Variants in IDO2 observed in about 807,000 individuals in gnomAD.
IDO2 encodes indoleamine 2,3-dioxygenase-like 1 protein.
IDO2 carries 46 observed loss-of-function variants against 45.1 expected under a neutral mutation model. The ratio of observed to expected loss-of-function variants is 1.02; its 90% confidence interval spans 0.80 to 1.30. The LOEUF is 1.30. Ranked by LOEUF, IDO2 falls within the 50% of genes most tolerant of loss-of-function variation. The pLI is 0.00. For synonymous variants in IDO2, 218 were observed against 184.9 expected, an observed-to-expected ratio of 1.18 and a Z score of -1.45; for missense variants, 544 against 491.8, an observed-to-expected ratio of 1.11 and a Z score of -1.00.
intron 1 of IDO2, among the ~76,000 whole-genome samples, chr8:39,940,454 A>T (rs1465316736): frequency 6.6e-6 from 1 of 152,202 alleles, no homozygotes; most frequent in Non-Finnish European, 1.5e-5. Flanking sequence ...ACCAGATAGA[A>T]CTGGAAGTGT....
Position 40,005,360 on chromosome 8 carries a change from TC to T in IDO2, c.703del (p.Arg235GlyfsTer17). 6.3e-7 allele frequency: 1 copy of T among 1,581,468 alleles called. No homozygotes were observed. Among genetic ancestry groups the T allele is most frequent in the Non-Finnish European group, 8.6e-7 (1 of 1,159,502 alleles). On this transcript the variant is annotated frameshift_variant, in exon 9 of 11. Coordinates refer to ENST00000502986, the Ensembl canonical transcript of IDO2. LOFTEE classifies it high-confidence loss of function. ...GATCCAGACATATTTTATGCAGGCA[TC>T]CGGATCTTTCTCTCTGGGTAAGTAT...
chr8:40,002,105 A>G (rs1211779411), intron 8 of IDO2, among the ~76,000 whole-genome samples: 1 of 151,978 alleles, frequency 6.6e-6, no homozygotes, highest in African/African-American at 2.4e-5. Context: ...ATTTTTATGT[A>G]TTTTCTTCTA....
intron 1 of IDO2, among the ~76,000 whole-genome samples, chr8:39,937,990 T>A (rs1807584355): frequency 6.6e-6 from 1 of 152,250 alleles, no homozygotes; most frequent in Admixed American, 6.5e-5. Context: ...TAACAAAATG[T>A]AAAATGTGTA....
chr8:40,013,829 C>A, intron 10 of IDO2, 116 bp downstream of exon 10: 2 of 815,980 alleles, frequency 2.5e-6, no homozygotes, highest in Non-Finnish European at 3.6e-6. Context: ...GTTTATACTT[C>A]TCTAAGTCAG....
chr8:39,973,445 T>C (rs1808209990), intron 3 of IDO2, among the ~76,000 whole-genome samples: 1 of 152,062 alleles, frequency 6.6e-6, no homozygotes, highest in African/African-American at 2.4e-5. Flanking sequence ...AAACAGCTGA[T>C]AATTTCCTTT....
At chr8:40,005,514 A>G (rs1563441673) in intron 9 of IDO2, 136 bp downstream of exon 9, 2 of 473,900 alleles carry the variant, frequency 4.2e-6, no homozygotes, top group Non-Finnish European at 7.4e-6. Context: ...CTCTCAGGTA[A>G]AAGAAGTGGG....
chr8:39,979,068 T>C, exon 4 of IDO2: 44 of 1,578,824 alleles, frequency 2.8e-5, no homozygotes, highest in Non-Finnish European at 3.8e-5. Context: ...CATGAACAGA[T>C]GCCCCTGCTG....
intron 6 of IDO2, chr8:39,985,755 C>A: frequency 2.0e-6 from 1 of 509,494 alleles, no homozygotes; most frequent in Admixed American, 3.6e-5. Flanking sequence ...ATTTTCCAGT[C>A]TGTACATAAT....
intron 6 of IDO2, 80 bp from the exon 7 acceptor site, chr8:39,987,791 A>C: frequency 1.3e-6 from 1 of 797,290 alleles, no homozygotes; most frequent in South Asian, 1.6e-5. Context: ...CAGTTATCTA[A>C]CTCGGCAGGG....
intron 1 of IDO2, among the ~76,000 whole-genome samples, chr8:39,941,661 A>G (rs1425350181): frequency 6.6e-6 from 1 of 152,182 alleles, no homozygotes; most frequent in Non-Finnish European, 1.5e-5. Context: ...ATAAAAATAC[A>G]TAAGAACACT....
rs182463791 is a variant in IDO2, at chr8:39,959,033, C to T, written c.100-4575C>T. Among the ~76,000 whole-genome samples, 38 of 152,128 alleles carry T rather than the reference C, an allele frequency of 2.5e-4. No individual in the cohort carries two copies. In the East Asian group the frequency reaches 7.3e-3, roughly 29 times the overall value. On this transcript the variant is annotated intron_variant, in intron 2 of 10. Coordinates refer to ENST00000502986, the Ensembl canonical transcript of IDO2. ...GGTGACTAAAACATCTAGAGGTTTT[C>T]CCTTTGTTTTCTGTACTTCTTAGTA...
At chr8:39,979,126 G>C in exon 4 of IDO2, 3 of 1,603,252 alleles carry the variant, frequency 1.9e-6, no homozygotes, top group Non-Finnish European at 2.6e-6. Flanking sequence ...TGGCCCACCT[G>C]GTCCTGAGCT....
chr8:39,962,911 C>A (rs564355591), intron 2 of IDO2, among the ~76,000 whole-genome samples: 1 of 152,276 alleles, frequency 6.6e-6, no homozygotes, highest in East Asian at 1.9e-4. Flanking sequence ...GGTTAAAAGG[C>A]ATTATTCAGA....
intron 8 of IDO2, among the ~76,000 whole-genome samples, chr8:39,996,453 T>C (rs1417031675): frequency 6.6e-6 from 1 of 152,158 alleles, no homozygotes. Flanking sequence ...TACCTGTCAT[T>C]GGAGACGACT....
exon 11 of IDO2, chr8:40,015,247 G>T (rs753303778): frequency 6.4e-7 from 1 of 1,565,832 alleles, no homozygotes; most frequent in Non-Finnish European, 8.7e-7. Context: ...TTTCTTTCAG[G>T]TGACTTTCTG....
intron 2 of IDO2, among the ~76,000 whole-genome samples, chr8:39,959,393 C>T (rs111880438): frequency 0.26 from 30,204 of 114,600 alleles, 3,037 homozygotes; most frequent in East Asian, 0.35. Flanking sequence ...GGATTACAGG[C>T]GTGAGCCACT....
intron 2 of IDO2, among the ~76,000 whole-genome samples, chr8:39,955,311 G>T (rs1247189317): frequency 7.1e-6 from 1 of 140,440 alleles, no homozygotes; most frequent in Non-Finnish European, 1.5e-5. Flanking sequence ...CTGGAGTGCA[G>T]TGGCACGTTC....
chr8:39,959,647 C>A (rs921482534), intron 2 of IDO2, among the ~76,000 whole-genome samples: 5 of 151,982 alleles, frequency 3.3e-5, no homozygotes, highest in South Asian at 2.1e-4. Context: ...CATGGCAAAA[C>A]CCCATCTCTA....
chr8:39,957,435 G>A (rs528292168), intron 2 of IDO2, among the ~76,000 whole-genome samples: 1 of 152,124 alleles, frequency 6.6e-6, no homozygotes, highest in South Asian at 2.1e-4. Flanking sequence ...AACATAGCGA[G>A]ACCCCATCTC....
Sources: gnomAD v4.1 joint callset for allele counts (sites outside exome capture counted in the v4.1 genomes callset) on GRCh38, gnomAD v4.1.1 for gene constraint, MANE v1.5 for transcripts, NCBI Gene and HGNC (gene_info 2026-07-23, HGNC 2026-07-21) for gene names.